KIAA1217: variants seen among roughly 807,000 people sequenced by gnomAD.
KIAA1217 encodes the protein sickle tail protein homolog.
A neutral mutation model predicts 163.9 loss-of-function variants in KIAA1217; 88 were observed. The observed-to-expected ratio is 0.54, with a 90% confidence interval of 0.45 to 0.64. The LOEUF (loss-of-function observed/expected upper bound fraction) is 0.64. KIAA1217 is among the 30% of genes least tolerant of loss of function. The probability of loss-of-function intolerance (pLI) is 0.00; values close to 1 mark genes in which losing one functional copy is unlikely to be tolerated. For missense variants in KIAA1217, 2,372 were observed against 2,475.0 expected, an observed-to-expected ratio of 0.96 and a Z score of 0.88; for synonymous variants, 903 against 923.1, an observed-to-expected ratio of 0.98 and a Z score of 0.39.
intron 8 of KIAA1217, among the ~76,000 whole-genome samples, chr10:24,500,189 G>A (rs1034348415): frequency 3.4e-5 from 5 of 147,378 alleles, no homozygotes; most frequent in Non-Finnish European, 7.5e-5. Context: ...ACAGAAGTGT[G>A]TGTGTGTGTG....
chr10:24,544,911 G>A, intron 19 of KIAA1217, 70 bp from the exon 20 acceptor site: 1 of 1,543,646 alleles, frequency 6.5e-7, no homozygotes. Flanking sequence ...GCACATCGTG[G>A]GGCAGCCTCA....
chr10:24,085,792 G>A (rs569535371), intron 2 of KIAA1217, among the ~76,000 whole-genome samples: 1 of 152,020 alleles, frequency 6.6e-6, no homozygotes, highest in Non-Finnish European at 1.5e-5. Context: ...AGGTAACATG[G>A]CAAAATCACG....
chr10:24,372,856 A>C (rs779364245), intron 2 of KIAA1217, among the ~76,000 whole-genome samples: 15 of 152,206 alleles, frequency 9.9e-5, no homozygotes, highest in African/African-American at 3.1e-4. Context: ...TACTTATTCT[A>C]TTAAAGATGT....
intron 1 of KIAA1217, among the ~76,000 whole-genome samples, chr10:23,985,341 G>T (rs1845927464): frequency 6.6e-6 from 1 of 152,058 alleles, no homozygotes; most frequent in Non-Finnish European, 1.5e-5. Flanking sequence ...TTTGCACACT[G>T]GTCTTTTTGG....
At chr10:24,346,144 T>C (rs1224640519) in intron 2 of KIAA1217, among the ~76,000 whole-genome samples, 1 of 152,166 alleles carries the variant, frequency 6.6e-6, no homozygotes, top group Non-Finnish European at 1.5e-5. Context: ...TGTGGCAGCA[T>C]GTGTCAGAAT....
intron 2 of KIAA1217, among the ~76,000 whole-genome samples, chr10:24,030,675 C>T (rs1388518049): frequency 6.6e-6 from 1 of 152,180 alleles, no homozygotes; most frequent in East Asian, 1.9e-4. Flanking sequence ...CTCCTCATTT[C>T]CCCTTCCCCA....
intron 1 of KIAA1217, among the ~76,000 whole-genome samples, chr10:23,825,108 C>T (rs12770221): frequency 0.21 from 31,824 of 152,030 alleles, 3,496 homozygotes; most frequent in Middle Eastern, 0.3. Context: ...AATTCCTGCA[C>T]GCACCTTTTG....
At chr10:24,256,709 T>C (rs910021473) in intron 2 of KIAA1217, among the ~76,000 whole-genome samples, 2 of 152,236 alleles carry the variant, frequency 1.3e-5, no homozygotes, top group South Asian at 4.1e-4. Flanking sequence ...TGTGTCTGTC[T>C]GCTTTGCCTT....
At chr10:23,885,601 A>G (rs111401732) in intron 1 of KIAA1217, among the ~76,000 whole-genome samples, 1 of 151,972 alleles carries the variant, frequency 6.6e-6, no homozygotes, top group African/African-American at 2.4e-5. Flanking sequence ...CCGTAAGTCC[A>G]GGAAAAGTCT....
intron 1 of KIAA1217, among the ~76,000 whole-genome samples, chr10:23,704,172 G>GTGTGTGTGTATATGTATATATA (rs1229370789): frequency 2.5e-5 from 1 of 39,926 alleles, no homozygotes; most frequent in East Asian, 7.5e-4. Context: ...GTGTGTGTGT[G>GTGTGTGTGTATATGTATATATA]TATATATATA....
intron 4 of KIAA1217, among the ~76,000 whole-genome samples, chr10:24,435,340 G>A (rs928506206): frequency 3.9e-5 from 6 of 152,166 alleles, no homozygotes; most frequent in Admixed American, 1.3e-4. Flanking sequence ...TTCACAAAGC[G>A]TAAACTTGAA....
intron 2 of KIAA1217, among the ~76,000 whole-genome samples, chr10:24,299,275 C>A (rs1383268873): frequency 6.6e-6 from 1 of 152,134 alleles, no homozygotes; most frequent in Admixed American, 6.6e-5. Flanking sequence ...TAGGTTTGAC[C>A]TGACTTGAAT....
At chr10:23,957,759 C>T (rs1165456773) in intron 1 of KIAA1217, among the ~76,000 whole-genome samples, 1 of 152,082 alleles carries the variant, frequency 6.6e-6, no homozygotes, top group African/African-American at 2.4e-5. Context: ...CCAACTTTTC[C>T]TTTCTCCTCC....
At chr10:23,999,913 T>A (rs1846663104) in intron 1 of KIAA1217, among the ~76,000 whole-genome samples, 5 of 151,666 alleles carry the variant, frequency 3.3e-5, no homozygotes, top group Non-Finnish European at 7.4e-5. Flanking sequence ...TTAAAAAAAA[T>A]AATAATAACT....
chr10:23,779,144 T>C lies in KIAA1217; in HGVS notation c.-321+83910T>C, dbSNP rs7075955. ...GAAAGATATGATGAGTATCTATAAC[T>C]CTTGTCTTTTCCCTTGGTCAGAGCT... On this transcript the variant is annotated intron_variant, in intron 1 of 18. Transcript: ENST00000376462. 7.0e-3 allele frequency among the ~76,000 whole-genome samples: 1,068 copies of C among 152,278 alleles called. 18 individuals carry two copies. Among genetic ancestry groups the C allele is most frequent in the African/African-American group, 0.025 (1,025 of 41,550 alleles).
At chr10:24,359,060 C>A (rs199966298) in intron 2 of KIAA1217, among the ~76,000 whole-genome samples, 3,155 of 139,766 alleles carry the variant, frequency 0.023, 114 homozygotes, top group African/African-American at 0.077. Context: ...TTTCTTTTTT[C>A]TTTTCTTTTC....
intron 2 of KIAA1217, among the ~76,000 whole-genome samples, chr10:24,315,937 G>GC (rs2043303222): frequency 6.8e-6 from 1 of 146,984 alleles, no homozygotes; most frequent in Non-Finnish European, 1.5e-5. Flanking sequence ...AATGGGGGGG[G>GC]GGAATCCAAG....
chr10:23,700,419 G>A (rs984930283), intron 1 of KIAA1217, among the ~76,000 whole-genome samples: 1 of 151,756 alleles, frequency 6.6e-6, no homozygotes, highest in African/African-American at 2.4e-5. Context: ...TCCATACACA[G>A]CCACAGCAAT....
chr10:24,279,262 G>T (rs1369600286), intron 2 of KIAA1217, among the ~76,000 whole-genome samples: 1 of 22,156 alleles, frequency 4.5e-5, no homozygotes, highest in South Asian at 4.6e-4. Flanking sequence ...GGTGGTGGTG[G>T]TGTTTTTGTT....
Sources: allele counts gnomAD v4.1 joint callset (sites outside exome capture counted in the v4.1 genomes callset), GRCh38; gene constraint gnomAD v4.1.1; transcripts MANE v1.5; gene names NCBI Gene and HGNC (gene_info 2026-07-23, HGNC 2026-07-21).